Variants in LMNB1 observed in about 807,000 individuals in gnomAD.
The protein encoded by LMNB1 is lamin-B1.
In LMNB1, 23 loss-of-function variants were observed where a neutral mutation model predicts 67.1. That is an observed-to-expected ratio of 0.34 (90% CI 0.25 to 0.49). The LOEUF (loss-of-function observed/expected upper bound fraction) is 0.49. Ranked by LOEUF, LMNB1 falls within the 20% of genes least tolerant of loss-of-function variation. The pLI is 0.99. For synonymous variants in LMNB1, 281 were observed against 282.9 expected (o/e 0.99, Z 0.07); for missense variants, 634 against 746.5 (o/e 0.85, Z 1.76).
intron 9 of LMNB1, among the ~76,000 whole-genome samples, chr5:126,830,640 G>T (rs1752109998): frequency 6.6e-6 from 1 of 152,136 alleles, no homozygotes; most frequent in African/African-American, 2.4e-5. Context: ...TGTTTTCTGA[G>T]GTTCTCATTG....
At position 126,793,879 on chromosome 5, in the gene LMNB1, AAAAGAAAG is replaced by A. The variant is rs200364620; in HGVS notation, c.360-10877_360-10870del. Among the ~76,000 whole-genome samples the A allele has an allele frequency of 7.1e-3, 1,073 of 151,844 alleles. 11 individuals carry two copies. Among genetic ancestry groups the A allele is most frequent in the African/African-American group, 0.025 (1,020 of 41,458 alleles). ...CAACAAGAGTGAAACTCCATCTCCA[AAAAGAAAG>A]AAAGAAAGAAAGAAAGAAATTGTGA... On this transcript the variant is annotated intron_variant, in intron 1 of 10. Coordinates refer to ENST00000261366, the MANE Select transcript of LMNB1 (RefSeq NM_005573.4).
chr5:126,810,130 A>G (rs770954839), intron 3 of LMNB1, 50 bp from the exon 4 acceptor site: 17 of 1,541,722 alleles, frequency 1.1e-5, no homozygotes, highest in Admixed American at 5.1e-5. Context: ...ATGTGTACCA[A>G]TGCAGCCATG....
intron 1 of LMNB1, among the ~76,000 whole-genome samples, chr5:126,782,661 T>G (rs992890315): frequency 1.3e-5 from 2 of 152,054 alleles, no homozygotes; most frequent in Non-Finnish European, 2.9e-5. Context: ...GCAATTCTTC[T>G]GCCTCAGCCT....
intron 1 of LMNB1, among the ~76,000 whole-genome samples, chr5:126,786,769 A>G (rs763015154): frequency 6.6e-6 from 1 of 152,166 alleles, no homozygotes; most frequent in Non-Finnish European, 1.5e-5. Flanking sequence ...GATAGTTTGT[A>G]GCCTTCAAGG....
chr5:126,804,940 C>A lies in LMNB1; in HGVS notation c.516+8C>A. 6.2e-7 allele frequency: 1 copy of A among 1,612,956 alleles called. No homozygotes were observed. Among genetic ancestry groups the A allele is most frequent in the South Asian group, 1.1e-5 (1 of 90,914 alleles). ...AAGGATCAGATTGCCCAGGTAAGGT[C>A]AAGCCTACTCTTGAGCCGTATGTGA... On this transcript the variant is annotated splice_region_variant and intron_variant, in intron 2 of 10. Transcript: ENST00000261366.
rs759651941 is a variant in LMNB1, at chr5:126,777,866, A to T, written c.358A>T (p.Asn120Tyr). Residue 120 changes from asparagine (N) to tyrosine (Y), a missense_variant and splice_region_variant, in exon 1 of 11, where the codon AAC becomes TAC. By Grantham distance (143) the Asn-to-Tyr change is moderately radical. Coordinates refer to ENST00000261366, the MANE Select transcript of LMNB1 (RefSeq NM_005573.4). ...GGCGGAACACGACCAGCTGCTCCTC[A>T]AGTGAGTGCTAGCTGGCGGCCGCGT... ...CKAEHDQLLLNYAKKESDLNG... is the reference protein window; with the variant it reads ...CKAEHDQLLLYYAKKESDLNG... The T allele has an allele frequency of 7.1e-7, 1 of 1,413,794 alleles. No individual in the cohort carries two copies. The highest frequency in any genetic ancestry group is 9.2e-7 in the Non-Finnish European group (1 of 1,083,416). 87.6% of individuals were successfully genotyped at this position (1,413,794 alleles called of 1,614,324 possible).
At chr5:126,798,900 C>T (rs915473233) in intron 1 of LMNB1, among the ~76,000 whole-genome samples, 26 of 152,056 alleles carry the variant, frequency 1.7e-4, no homozygotes, top group Admixed American at 1.6e-3. Context: ...CTTGAGGTAG[C>T]TAAGCATATC....
chr5:126,792,462 C>T (rs1750986360), intron 1 of LMNB1, among the ~76,000 whole-genome samples: 1 of 151,666 alleles, frequency 6.6e-6, no homozygotes. Flanking sequence ...CTTATCTTTG[C>T]AGAAGTCTTC....
intron 9 of LMNB1, among the ~76,000 whole-genome samples, chr5:126,831,240 C>T (rs1752123027): frequency 6.6e-6 from 1 of 152,206 alleles, no homozygotes; most frequent in Non-Finnish European, 1.5e-5. Flanking sequence ...CTGTAGCATT[C>T]TCTTTCTTGA....
chr5:126,795,130 C>CTTTTTTTTTTTT (rs55837872), intron 1 of LMNB1, among the ~76,000 whole-genome samples: 22 of 128,934 alleles, frequency 1.7e-4, no homozygotes, highest in Middle Eastern at 4.5e-3. Context: ...ATTCCTTTTC[C>CTTTTTTTTTTTT]TTTTTTTTTT....
At chr5:126,806,244 C>T (rs922834353) in intron 3 of LMNB1, among the ~76,000 whole-genome samples, 4 of 152,214 alleles carry the variant, frequency 2.6e-5, no homozygotes, top group African/African-American at 9.6e-5. Context: ...TGAGCCACCA[C>T]ATCCGGCCTC....
At chr5:126,790,201 G>A (rs745664032) in intron 1 of LMNB1, among the ~76,000 whole-genome samples, 5 of 152,106 alleles carry the variant, frequency 3.3e-5, no homozygotes, top group Non-Finnish European at 7.3e-5. Context: ...CACCTCCCAC[G>A]TTCAAGTGAT....
intron 3 of LMNB1, among the ~76,000 whole-genome samples, chr5:126,806,887 C>T (rs970746718): frequency 4.6e-5 from 7 of 152,042 alleles, no homozygotes; most frequent in Non-Finnish European, 1.0e-4. Context: ...AAGCTATTCT[C>T]CTGCCTTAGC....
At chr5:126,776,942 G>C (rs1750464372), upstream of LMNB1, 1 of 152,434 alleles carries the variant, frequency 6.6e-6, no homozygotes, top group Non-Finnish European at 1.5e-5. Context: ...CCAAGGGCCA[G>C]ATTTTAAATT....
Position 126,777,744 on chromosome 5 carries a change from A to G in LMNB1, c.236A>G (p.Lys79Arg), listed in dbSNP as rs1750504432. 2 of 1,537,952 alleles carry G rather than the reference A, an allele frequency of 1.3e-6. No homozygotes were observed. Among genetic ancestry groups the G allele is most frequent in the Admixed American group, 2.0e-5 (1 of 50,370 alleles). ...CGCGGCCGTGAGCTCACCGGCCTCA[A>G]GGCGCTCTACGAGACCGAGCTGGCC... ...EVRGRELTGLKALYETELADA... is the reference protein window; with the variant it reads ...EVRGRELTGLRALYETELADA... The change falls in exon 1 of 11, where the codon AAG becomes AGG. Residue 79 changes from lysine to arginine, a missense_variant. Physicochemically the swap from Lys to Arg is conservative, Grantham distance 26. Transcript: ENST00000261366.
At chr5:126,829,553 G>A (rs1177250500) in intron 9 of LMNB1, among the ~76,000 whole-genome samples, 1 of 151,600 alleles carries the variant, frequency 6.6e-6, no homozygotes, top group Non-Finnish European at 1.5e-5. Context: ...CCTCGTTCCT[G>A]ACAGAACTCT....
At chr5:126,786,968 A>T (rs569831275) in intron 1 of LMNB1, among the ~76,000 whole-genome samples, 1 of 152,248 alleles carries the variant, frequency 6.6e-6, no homozygotes, top group Non-Finnish European at 1.5e-5. Flanking sequence ...AAAGAAATTA[A>T]AACCTCTAAA....
chr5:126,816,098 CT>C lies in LMNB1; in HGVS notation c.940-2813del, dbSNP rs574388006. 3.9e-3 allele frequency among the ~76,000 whole-genome samples: 581 copies of C among 147,436 alleles called. 2 individuals are homozygous for C. The highest frequency in any genetic ancestry group is 0.026 in the South Asian group (124 of 4,686). The stretch of plus-strand genomic sequence containing the variant: ...AGGGAGGCATTTTGAACTTACATGA[CT>C]TTTTTTTTTTCTTTTGGAGAAAAAG... On this transcript the variant is annotated intron_variant, in intron 5 of 10. Transcript: ENST00000261366.
intron 1 of LMNB1, among the ~76,000 whole-genome samples, chr5:126,790,034 C>T (rs542407478): frequency 1.3e-5 from 2 of 151,984 alleles, no homozygotes; most frequent in South Asian, 4.2e-4. Flanking sequence ...GAACTCCCGA[C>T]CTCAGATGAT....
Sources: gnomAD v4.1 joint callset for allele counts (sites outside exome capture counted in the v4.1 genomes callset) on GRCh38, gnomAD v4.1.1 for gene constraint, MANE v1.5 for transcripts, NCBI Gene and HGNC (gene_info 2026-07-23, HGNC 2026-07-21) for gene names.